BMPR1B: variants seen among roughly 807,000 people sequenced by gnomAD.
BMPR1B encodes the protein bone morphogenetic protein receptor type-1B.
BMPR1B carries 12 observed loss-of-function variants against 59.1 expected under a neutral mutation model. The ratio of observed to expected loss-of-function variants is 0.20; its 90% CI spans 0.13 to 0.33. The LOEUF (loss-of-function observed/expected upper bound fraction) is 0.33. BMPR1B is among the 10% of genes least tolerant of loss of function. BMPR1B has a pLI of 1.00. For synonymous variants in BMPR1B, 237 were observed against 207.3 expected (o/e 1.14, Z -1.23); for missense variants, 550 against 610.9 (o/e 0.90, Z 1.05).
intron 2 of BMPR1B, among the ~76,000 whole-genome samples, chr4:94,882,721 T>C (rs1265964454): frequency 1.3e-5 from 2 of 152,220 alleles, no homozygotes; most frequent in African/African-American, 4.8e-5. Flanking sequence ...GTGATTTTCA[T>C]AGGGAGGGTC....
chr4:95,110,121 G>T (rs1352355406), intron 4 of BMPR1B, among the ~76,000 whole-genome samples: 1 of 151,846 alleles, frequency 6.6e-6, no homozygotes, highest in Non-Finnish European at 1.5e-5. Flanking sequence ...ATTATACAGA[G>T]AGAACTCTTG....
At chr4:94,897,562 T>C (rs1481198277) in intron 2 of BMPR1B, among the ~76,000 whole-genome samples, 1 of 152,104 alleles carries the variant, frequency 6.6e-6, no homozygotes, top group Non-Finnish European at 1.5e-5. Context: ...CTTACATATT[T>C]CTTTTTTTCT....
intron 2 of BMPR1B, among the ~76,000 whole-genome samples, chr4:94,925,414 G>A (rs1488509851): frequency 6.6e-6 from 1 of 152,138 alleles, no homozygotes; most frequent in East Asian, 1.9e-4. Flanking sequence ...AATTAATGAT[G>A]TCAAAGATAA....
chr4:95,052,829 C>T (rs552590030), intron 3 of BMPR1B, among the ~76,000 whole-genome samples: 2 of 152,250 alleles, frequency 1.3e-5, no homozygotes, highest in African/African-American at 4.8e-5. Context: ...ATAGGTATTT[C>T]ATCAACCTAG....
chr4:94,764,742 C>G (rs577379300), intron 1 of BMPR1B, among the ~76,000 whole-genome samples: 3 of 152,250 alleles, frequency 2.0e-5, no homozygotes, highest in Admixed American at 6.5e-5. Context: ...TGGAACATCT[C>G]GTGACTTGAT....
chr4:95,046,723 T>C (rs192960552), intron 3 of BMPR1B, among the ~76,000 whole-genome samples: 1 of 152,320 alleles, frequency 6.6e-6, no homozygotes, highest in East Asian at 1.9e-4. Context: ...GGTGTACATT[T>C]TCAAATGGAG....
At chr4:94,961,051 A>G (rs976102308) in intron 2 of BMPR1B, among the ~76,000 whole-genome samples, 1 of 152,134 alleles carries the variant, frequency 6.6e-6, no homozygotes, top group South Asian at 2.1e-4. Context: ...AGTTGCCTTA[A>G]CAGACCTGTC....
At chr4:94,770,216 G>T (rs1722134799) in intron 1 of BMPR1B, among the ~76,000 whole-genome samples, 1 of 94,074 alleles carries the variant, frequency 1.1e-5, no homozygotes, top group Non-Finnish European at 2.3e-5. Flanking sequence ...CGAAAGCAAG[G>T]TTATAGATTT....
Position 94,781,939 on chromosome 4 carries a change from G to A in BMPR1B, c.-183+23871G>A, listed in dbSNP as rs990949543. Among the ~76,000 whole-genome samples, 7 of 151,988 alleles carry A rather than the reference G, an allele frequency of 4.6e-5. No homozygotes were observed. The South Asian group carries it at 8.3e-4, about 18-fold the overall frequency. Reference sequence around the variant, plus strand: ...TCTCAAAATACTCTCTTTTTGTCTTGTAGTATTTTTGCTATTATGCAACCC... The same window carrying A: ...TCTCAAAATACTCTCTTTTTGTCTTATAGTATTTTTGCTATTATGCAACCC... On this transcript the variant is annotated intron_variant, in intron 1 of 12. Transcript: ENST00000515059.
chr4:95,079,126 C>G (rs1045087437), intron 3 of BMPR1B, among the ~76,000 whole-genome samples: 2 of 152,202 alleles, frequency 1.3e-5, no homozygotes. Flanking sequence ...AAAAACCCAG[C>G]TGTATTTTCC....
rs1261586199 is a variant in BMPR1B, at chr4:95,120,693, TTCTCTCTTTCTCTCTC to T, written c.350-3095_350-3080del. Among the ~76,000 whole-genome samples, 317 of 148,290 alleles carry T rather than the reference TTCTCTCTTTCTCTCTC, an allele frequency of 2.1e-3. 3 individuals are homozygous for T. The highest frequency in any genetic ancestry group is 7.4e-3 in the African/African-American group (292 of 39,702). On this transcript the variant is annotated intron_variant, in intron 6 of 12. Transcript: ENST00000515059. The stretch of plus-strand genomic sequence containing the variant: ...TCTTTCTTTTCTTTTCTTTCTTTCT[TTCTCTCTTTCTCTCTC>T]TCTCTCTTTCTCTCTCTCTCTTTCT...
At chr4:94,767,933 T>C (rs1309292288) in intron 1 of BMPR1B, among the ~76,000 whole-genome samples, 1 of 151,984 alleles carries the variant, frequency 6.6e-6, no homozygotes, top group Non-Finnish European at 1.5e-5. Context: ...TTAAATTTTA[T>C]CATTTCACCA....
chr4:94,837,792 C>T lies in BMPR1B; in HGVS notation c.-182-38039C>T, dbSNP rs374344881. On this transcript the variant is annotated intron_variant, in intron 1 of 12. Transcript: ENST00000515059. Reference sequence around the variant, plus strand: ...TTGCCCTGGCCAGAACTTCCAACACCATGTTGAATAGGAGTGGTGAGAGAG... The same window carrying T: ...TTGCCCTGGCCAGAACTTCCAACACTATGTTGAATAGGAGTGGTGAGAGAG... 4.7e-3 allele frequency among the ~76,000 whole-genome samples: 660 copies of T among 140,378 alleles called. 42 individuals are homozygous for T. The highest frequency in any genetic ancestry group is 0.016 in the African/African-American group (607 of 37,166). 92.1% of individuals were successfully genotyped at this position (140,378 alleles called of 152,430 possible).
intron 3 of BMPR1B, among the ~76,000 whole-genome samples, chr4:95,034,338 A>C (rs1386053119): frequency 6.6e-6 from 1 of 151,936 alleles, no homozygotes; most frequent in Non-Finnish European, 1.5e-5. Context: ...TTGCATAGAA[A>C]AGTTCTTTAG....
At chr4:94,972,702 G>T (rs1393412511) in intron 2 of BMPR1B, among the ~76,000 whole-genome samples, 1 of 152,010 alleles carries the variant, frequency 6.6e-6, no homozygotes, top group Non-Finnish European at 1.5e-5. Flanking sequence ...TTTAGAGTCA[G>T]ACCTATGCAA....
At chr4:94,864,671 A>G (rs115258744) in intron 1 of BMPR1B, among the ~76,000 whole-genome samples, 173 of 152,340 alleles carry the variant, frequency 1.1e-3, no homozygotes, top group African/African-American at 3.7e-3. Context: ...AGGTCATTGC[A>G]GTTGAAAAAG....
intron 3 of BMPR1B, among the ~76,000 whole-genome samples, chr4:95,060,360 CA>C (rs1037768155): frequency 1.3e-5 from 2 of 152,132 alleles, no homozygotes; most frequent in Non-Finnish European, 2.9e-5. Flanking sequence ...GACTTTGTTT[CA>C]AAAGTAACTT....
At chr4:94,848,892 G>A (rs2522529) in intron 1 of BMPR1B, among the ~76,000 whole-genome samples, 23,769 of 152,216 alleles carry the variant, frequency 0.16, 2,257 homozygotes, top group Admixed American at 0.24. Flanking sequence ...CAATTCCAAG[G>A]ATTTTTCCAG....
At position 95,130,069 on chromosome 4, in the gene BMPR1B, G is replaced by C; in HGVS notation, c.778+15G>C. 1 of 1,611,308 alleles carries C rather than the reference G, an allele frequency of 6.2e-7. No individual in the cohort carries two copies. The highest frequency in any genetic ancestry group is 8.5e-7 in the Non-Finnish European group (1 of 1,177,642). ...AAACATTTTGGGTGAGTAAAAGTCT[G>C]CATAGCTATGTTCAGGGTTTCCTAG... is the stretch of plus-strand genomic sequence containing the variant. On this transcript the variant is annotated intron_variant, in intron 9 of 12. Transcript: ENST00000515059.
Sources: allele counts gnomAD v4.1 joint callset (sites outside exome capture counted in the v4.1 genomes callset), GRCh38; gene constraint gnomAD v4.1.1; transcripts MANE v1.5; gene names NCBI Gene and HGNC (gene_info 2026-07-23, HGNC 2026-07-21).